The following LONP2 variants were observed in gnomAD, a reference collection of about 807,000 sequenced individuals.
The protein encoded by LONP2 is lon peptidase 2, peroxisomal.
Under a neutral mutation model 85.6 loss-of-function variants are expected in LONP2, and 60 were observed. The ratio of observed to expected loss-of-function variants is 0.70; its 90% CI spans 0.57 to 0.87. The LOEUF (loss-of-function observed/expected upper bound fraction) is 0.87, where lower values mean the gene tolerates loss of function less well. Ranked by LOEUF, LONP2 falls within the 40% of genes least tolerant of loss-of-function variation. The pLI is 0.00. For synonymous variants in LONP2, 395 were observed against 389.7 expected (o/e 1.01, Z -0.16); for missense variants, 860 against 1,063.5 (o/e 0.81, Z 2.66).
chr16:48,312,003 C>T (rs940647231), intron 11 of LONP2, among the ~76,000 whole-genome samples: 3 of 151,886 alleles, frequency 2.0e-5, no homozygotes, highest in South Asian at 2.1e-4. Context: ...TGCAGTGGCA[C>T]GATCTCGGCT....
chr16:48,316,347 G>A (rs1470908480), intron 11 of LONP2, among the ~76,000 whole-genome samples: 2 of 110,380 alleles, frequency 1.8e-5, no homozygotes, highest in Non-Finnish European at 3.6e-5. Flanking sequence ...TTTTTTTTGA[G>A]ACGGAGTCTC....
intron 11 of LONP2, 109 bp from the exon 12 acceptor site, chr16:48,334,107 G>A (rs1959559962): frequency 1.1e-6 from 1 of 921,364 alleles, no homozygotes. Context: ...ATGCATAAAA[G>A]TGACTGAACT....
intron 12 of LONP2, among the ~76,000 whole-genome samples, chr16:48,337,898 C>T (rs1362388790): frequency 1.3e-5 from 2 of 152,166 alleles, no homozygotes; most frequent in African/African-American, 4.8e-5. Context: ...ACTGCAACCT[C>T]CACCTCCTGG....
At chr16:48,358,681 C>T (rs1018775632), downstream of LONP2, among the ~76,000 whole-genome samples, 25 of 152,018 alleles carry the variant, frequency 1.6e-4, no homozygotes, top group Non-Finnish European at 2.8e-4. Context: ...ATTAGCCAAG[C>T]ATGATGCCAT....
At chr16:48,338,092 G>A (rs1020490175) in intron 12 of LONP2, among the ~76,000 whole-genome samples, 2 of 152,192 alleles carry the variant, frequency 1.3e-5, no homozygotes, top group Admixed American at 6.5e-5. Flanking sequence ...ATAGGCATGA[G>A]CCACCAAACC....
chr16:48,343,573 C>T (rs1428404644), intron 12 of LONP2, among the ~76,000 whole-genome samples: 1 of 152,036 alleles, frequency 6.6e-6, no homozygotes, highest in Non-Finnish European at 1.5e-5. Context: ...TGACGCACAC[C>T]TGTAGTCCCA....
intron 9 of LONP2, among the ~76,000 whole-genome samples, chr16:48,297,533 C>A (rs7192772): frequency 0.016 from 2,400 of 152,254 alleles, 54 homozygotes; most frequent in African/African-American, 0.053. Flanking sequence ...TGGTCTTGAA[C>A]TCCTGACCTT....
chr16:48,247,257 T>A (rs12931193), intron 1 of LONP2: 2 of 152,120 alleles, frequency 1.3e-5, no homozygotes, highest in African/African-American at 4.8e-5. Context: ...ATACCAATAC[T>A]GAGTAATCCA....
intron 1 of LONP2, among the ~76,000 whole-genome samples, chr16:48,249,441 GT>G (rs1971566558): frequency 6.6e-6 from 1 of 152,150 alleles, no homozygotes; most frequent in Non-Finnish European, 1.5e-5. Flanking sequence ...TGAGTATTTT[GT>G]TTATTTACCT....
At chr16:48,273,383 C>T (rs962174584) in intron 7 of LONP2, among the ~76,000 whole-genome samples, 1 of 152,136 alleles carries the variant, frequency 6.6e-6, no homozygotes, top group African/African-American at 2.4e-5. Flanking sequence ...GATGGGGAAG[C>T]AAAAGAGAGG....
At chr16:48,267,306 A>G (rs1972010153) in intron 6 of LONP2, among the ~76,000 whole-genome samples, 1 of 152,114 alleles carries the variant, frequency 6.6e-6, no homozygotes, top group African/African-American at 2.4e-5. Flanking sequence ...TGCCATTCAT[A>G]TATATATTTT....
At chr16:48,294,499 C>T (rs998040140) in intron 8 of LONP2, among the ~76,000 whole-genome samples, 2 of 152,118 alleles carry the variant, frequency 1.3e-5, no homozygotes, top group East Asian at 1.9e-4. Flanking sequence ...GGCGTGGTAG[C>T]GCACGTCTGT....
At chr16:48,289,429 T>G (rs1222587167) in intron 8 of LONP2, among the ~76,000 whole-genome samples, 3 of 152,206 alleles carry the variant, frequency 2.0e-5, no homozygotes, top group Admixed American at 2.0e-4. Flanking sequence ...TGTGTTCTTT[T>G]GAGTTTCTGA....
At chr16:48,329,908 G>A (rs1256464378) in intron 11 of LONP2, among the ~76,000 whole-genome samples, 2 of 152,174 alleles carry the variant, frequency 1.3e-5, no homozygotes, top group Non-Finnish European at 2.9e-5. Flanking sequence ...GTAGTGCTGC[G>A]ATGGGTGACT....
At chr16:48,315,137 C>G (rs1973114574) in intron 11 of LONP2, among the ~76,000 whole-genome samples, 1 of 152,182 alleles carries the variant, frequency 6.6e-6, no homozygotes, top group South Asian at 2.1e-4. Flanking sequence ...CCCTCATCAC[C>G]TAATATTATA....
intron 7 of LONP2, 95 bp downstream of exon 7, chr16:48,270,369 C>A (rs921501485): frequency 4.5e-6 from 6 of 1,318,790 alleles, no homozygotes; most frequent in Non-Finnish European, 6.4e-6. Flanking sequence ...ATCTATTTTC[C>A]TTAAAGGGCT....
chr16:48,362,443 C>T lies in LONP2; in HGVS notation c.*580C>T. 1 of 1,612,080 alleles carries T rather than the reference C, an allele frequency of 6.2e-7. No individual in the cohort carries two copies. The highest frequency in any genetic ancestry group is 8.5e-7 in the Non-Finnish European group (1 of 1,178,622). ...TGACGGCTCATTTCTGAAATAAATA[C>T]ATAAGGAGGCAGGAGAAAAATAATT... is the stretch of plus-strand genomic sequence containing the variant. On this transcript the variant is annotated 3_prime_UTR_variant, in exon 5 of 5. Transcript: ENST00000565867. This position sits in a 1 kb window ranked among gnomAD's most constrained non-coding sequence, Gnocchi z 4.2.
chr16:48,351,364 T>G (rs940326205), intron 14 of LONP2, among the ~76,000 whole-genome samples: 2 of 152,140 alleles, frequency 1.3e-5, no homozygotes, highest in African/African-American at 4.8e-5. Context: ...AGAATCCCCC[T>G]CATCAGAGTC....
At chr16:48,244,946 A>T (rs1971274024) in intron 1 of LONP2, among the ~76,000 whole-genome samples, 1 of 151,892 alleles carries the variant, frequency 6.6e-6, no homozygotes, top group Non-Finnish European at 1.5e-5. Flanking sequence ...AGTGCTTTTA[A>T]CTTTCCAGGC....
Sources: allele counts gnomAD v4.1 joint callset (sites outside exome capture counted in the v4.1 genomes callset), GRCh38; gene constraint gnomAD v4.1.1; non-coding constraint Gnocchi (gnomAD v3.1); transcripts MANE v1.5; gene names NCBI Gene and HGNC (gene_info 2026-07-23, HGNC 2026-07-21).